The following RBFOX1 variants were observed in gnomAD, a reference collection of about 807,000 sequenced individuals.
RBFOX1 encodes RNA binding fox-1 homolog 1, also known as RNA binding protein fox-1 homolog 1.
In RBFOX1, 8 loss-of-function variants were observed where a neutral mutation model predicts 57.7. That is an observed-to-expected ratio of 0.14 (90% CI 0.08 to 0.25). The LOEUF (loss-of-function observed/expected upper bound fraction) is 0.25, where lower values mean the gene tolerates loss of function less well. Among genes scored for constraint, RBFOX1 ranks in the 10% least tolerant of loss-of-function variants. The pLI is 1.00. For missense variants in RBFOX1, 611 were observed against 548.5 expected, an observed-to-expected ratio of 1.11 and a Z score of -1.14; for synonymous variants, 326 against 222.4, an observed-to-expected ratio of 1.47 and a Z score of -4.15.
chr16:5,771,262 G>A (rs1178335021), intron 3 of RBFOX1, among the ~76,000 whole-genome samples: 3 of 152,246 alleles, frequency 2.0e-5, no homozygotes, highest in Admixed American at 2.0e-4. Context: ...CATTAAGGTT[G>A]TGAGAAGCTC....
At chr16:5,676,892 G>C (rs888906049) in intron 3 of RBFOX1, among the ~76,000 whole-genome samples, 7 of 152,128 alleles carry the variant, frequency 4.6e-5, no homozygotes, top group Non-Finnish European at 1.0e-4. Context: ...ACAGTGCCTG[G>C]GCACATAGTA....
chr16:6,919,771 T>TA (rs1160387638), intron 3 of RBFOX1, among the ~76,000 whole-genome samples: 1 of 135,614 alleles, frequency 7.4e-6, no homozygotes, highest in African/African-American at 3.6e-5. Context: ...AGATCATTCT[T>TA]TTTTTTTTTT....
chr16:7,456,297 T>C (rs1194904553), intron 4 of RBFOX1, among the ~76,000 whole-genome samples: 1 of 152,236 alleles, frequency 6.6e-6, no homozygotes, highest in African/African-American at 2.4e-5. Context: ...AGAAGGTACC[T>C]GGTTCATTCT....
intron 4 of RBFOX1, among the ~76,000 whole-genome samples, chr16:7,480,253 G>C (rs967248107): frequency 6.6e-6 from 1 of 152,166 alleles, no homozygotes; most frequent in Non-Finnish European, 1.5e-5. Context: ...GCAACTTAGG[G>C]TTTTGGCTAG....
rs9927360 is a variant in RBFOX1 at position 6,843,424 on chromosome 16, T to C, written c.-16+188774T>C. ...AAAGCTTTGGCCAGACATGGTGGCT[T>C]ACACCTGTAATCCCAGTACTTTGGG... On this transcript the variant is annotated intron_variant, in intron 3 of 15. Coordinates refer to ENST00000550418, the MANE Select transcript of RBFOX1 (RefSeq NM_018723.4). Among the ~76,000 whole-genome samples, 1,087 of 148,232 alleles carry C rather than the reference T, an allele frequency of 7.3e-3. 7 individuals are homozygous for C. Among genetic ancestry groups the C allele is most frequent in the Non-Finnish European group, 0.012 (773 of 65,198 alleles).
chr16:5,586,482 A>G (rs1312543294), intron 2 of RBFOX1, among the ~76,000 whole-genome samples: 1 of 152,120 alleles, frequency 6.6e-6, no homozygotes, highest in Non-Finnish European at 1.5e-5. Context: ...TATTGCTATT[A>G]TTATCCCTAA....
At chr16:6,461,211 A>C (rs1031327496) in intron 2 of RBFOX1, among the ~76,000 whole-genome samples, 1 of 152,190 alleles carries the variant, frequency 6.6e-6, no homozygotes, top group African/African-American at 2.4e-5. Flanking sequence ...GCACGCATTT[A>C]CCTATGTAGT....
intron 3 of RBFOX1, among the ~76,000 whole-genome samples, chr16:6,908,903 C>T (rs890860492): frequency 6.6e-6 from 1 of 152,104 alleles, no homozygotes; most frequent in African/African-American, 2.4e-5. Flanking sequence ...ACATCCTAAG[C>T]ATTCATGACT....
chr16:7,651,372 C>T (rs1227309582), intron 11 of RBFOX1, among the ~76,000 whole-genome samples: 2 of 152,304 alleles, frequency 1.3e-5, no homozygotes, highest in East Asian at 3.9e-4. Flanking sequence ...TACAAACATA[C>T]CCTATCTATG....
chr16:7,039,449 A>G (rs761800322), intron 3 of RBFOX1, among the ~76,000 whole-genome samples: 1 of 152,156 alleles, frequency 6.6e-6, no homozygotes, highest in Non-Finnish European at 1.5e-5. Context: ...TTGTTCGTTT[A>G]TGCAACATGA....
chr16:5,342,436 C>G lies in RBFOX1; in HGVS notation c.219+102331C>G, dbSNP rs183644058. On this transcript the variant is annotated intron_variant, in intron 1 of 2. Transcript: ENST00000585867. ...TCTCTAGGTACAGAGGGCTTGGACT[C>G]TATTTCTTCCTGCTCTGTGACCCTG... Among the ~76,000 whole-genome samples the G allele has an allele frequency of 2.6e-5, 4 of 152,296 alleles. No homozygotes were observed. In the East Asian group the frequency reaches 7.7e-4, roughly 29 times the overall value.
chr16:6,822,271 C>G lies in RBFOX1; in HGVS notation c.-16+167621C>G, dbSNP rs7359405. On this transcript the variant is annotated intron_variant, in intron 3 of 15. Coordinates refer to ENST00000550418, the MANE Select transcript of RBFOX1 (RefSeq NM_018723.4). ...TATCAATGCTCAGTAGTCCCACTTT[C>G]TGCCTTTTCCATTCTATCACCATTA... 3.8e-3 allele frequency among the ~76,000 whole-genome samples: 583 copies of G among 152,284 alleles called. 6 individuals carry two copies. Among genetic ancestry groups the G allele is most frequent in the African/African-American group, 0.014 (566 of 41,560 alleles).
intron 3 of RBFOX1, among the ~76,000 whole-genome samples, chr16:6,989,633 G>C (rs2091065750): frequency 6.6e-6 from 1 of 152,184 alleles, no homozygotes; most frequent in South Asian, 2.1e-4. Context: ...TCTGCAGACT[G>C]TCTGGAGAAT....
At chr16:7,040,125 A>G (rs144519710) in intron 3 of RBFOX1, among the ~76,000 whole-genome samples, 3,357 of 151,936 alleles carry the variant, frequency 0.022, 116 homozygotes, top group African/African-American at 0.075. Flanking sequence ...GGTTCAAGCA[A>G]TTCTCCTGCC....
intron 4 of RBFOX1, among the ~76,000 whole-genome samples, chr16:7,251,252 G>C (rs1603448228): frequency 6.6e-6 from 1 of 151,778 alleles, no homozygotes. Context: ...CTACATGTAA[G>C]TGAAATCACG....
In RBFOX1 at chr16:6,943,630, C is replaced by T. The variant is rs192458376; in HGVS notation, c.-15-108427C>T. On this transcript the variant is annotated intron_variant, in intron 3 of 15. Coordinates refer to ENST00000550418, the MANE Select transcript of RBFOX1 (RefSeq NM_018723.4). ...GGCTGAGGCAGGAGAATGGCGTGAA[C>T]CCGGGAGGCGGAGCTTGCAGTGAGC... 9.6e-3 allele frequency among the ~76,000 whole-genome samples: 1,455 copies of T among 151,840 alleles called. 13 individuals carry two copies. Among genetic ancestry groups the T allele is most frequent in the Non-Finnish European group, 0.014 (979 of 67,950 alleles).
intron 2 of RBFOX1, among the ~76,000 whole-genome samples, chr16:6,402,343 G>A (rs961836865): frequency 5.9e-5 from 9 of 152,216 alleles, no homozygotes; most frequent in African/African-American, 1.9e-4. Flanking sequence ...GTTATAGGAG[G>A]ATAAGAGAAA....
At chr16:6,497,749 G>A (rs999372952) in intron 2 of RBFOX1, among the ~76,000 whole-genome samples, 1 of 151,718 alleles carries the variant, frequency 6.6e-6, no homozygotes, top group Non-Finnish European at 1.5e-5. Flanking sequence ...TAGAGACAGG[G>A]TTTCACCATA....
intron 4 of RBFOX1, among the ~76,000 whole-genome samples, chr16:7,388,532 C>T (rs1374902166): frequency 1.3e-5 from 2 of 152,044 alleles, no homozygotes; most frequent in Non-Finnish European, 2.9e-5. Flanking sequence ...TGAGCTTAAG[C>T]CCCCTCAACT....
Sources: allele counts gnomAD v4.1 joint callset (sites outside exome capture counted in the v4.1 genomes callset), GRCh38; gene constraint gnomAD v4.1.1; transcripts MANE v1.5; gene names NCBI Gene and HGNC (gene_info 2026-07-23, HGNC 2026-07-21).